Variants in KIAA1217 observed in about 807,000 individuals in gnomAD.
The protein encoded by KIAA1217 is KIAA1217.
In KIAA1217, 88 loss-of-function variants were observed where a neutral mutation model predicts 163.9. That is an observed-to-expected ratio of 0.54 (90% CI 0.45 to 0.64). KIAA1217 has a LOEUF of 0.64. Among genes scored for constraint, KIAA1217 ranks in the 30% least tolerant of loss-of-function variants. The pLI, the probability that KIAA1217 is intolerant of heterozygous loss-of-function variation, is 0.00. For synonymous variants in KIAA1217, 903 were observed against 923.1 expected (o/e 0.98, Z 0.39); for missense variants, 2,372 against 2,475.0 (o/e 0.96, Z 0.88).
At position 24,021,639 on chromosome 10, in the gene KIAA1217, A is replaced by G. The variant is rs542835118; in HGVS notation, c.-171+14265A>G. ...GGCAAAAGATACAAATAGCCAACAC[A>G]GTATGGAAGGGGAAGAATAAAGCTG... is the stretch of plus-strand genomic sequence containing the variant. On this transcript the variant is annotated intron_variant, in intron 2 of 18. Coordinates refer to the KIAA1217 transcript ENST00000376462. 2.0e-5 allele frequency among the ~76,000 whole-genome samples: 3 copies of G among 152,034 alleles called. No individual in the cohort carries two copies. In the South Asian group the frequency reaches 6.2e-4, roughly 31 times the overall value.
chr10:23,991,513 C>T (rs1157000365), intron 1 of KIAA1217, among the ~76,000 whole-genome samples: 1 of 152,118 alleles, frequency 6.6e-6, no homozygotes, highest in African/African-American at 2.4e-5. Flanking sequence ...GTAATATATT[C>T]AGTGCTGTGG....
In KIAA1217 at chr10:24,172,328, T is replaced by C. The variant is rs11013931; in HGVS notation, c.-170-47298T>C. ...GACCACTATGCCAAGAGGATATCTT[T>C]CATGTCCAAATTCATAGAGACAAGA... On this transcript the variant is annotated intron_variant, in intron 2 of 18. Coordinates refer to the KIAA1217 transcript ENST00000376462. Among the ~76,000 whole-genome samples the C allele has an allele frequency of 3.0e-3, 461 of 152,298 alleles. 1 individual carries two copies. The highest frequency in any genetic ancestry group is 0.01 in the African/African-American group (436 of 41,570).
chr10:24,348,505 A>G (rs1039293901), intron 2 of KIAA1217, among the ~76,000 whole-genome samples: 2 of 152,238 alleles, frequency 1.3e-5, no homozygotes, highest in Non-Finnish European at 2.9e-5. Flanking sequence ...CCTAATATGT[A>G]ATCCATTAGG....
intron 1 of KIAA1217, among the ~76,000 whole-genome samples, chr10:23,736,816 G>A (rs892645370): frequency 5.9e-5 from 9 of 152,114 alleles, no homozygotes; most frequent in African/African-American, 1.9e-4. Flanking sequence ...ATGGGCCACC[G>A]CACCCGGCCT....
At chr10:24,511,602 G>A (rs563564900) in intron 9 of KIAA1217, among the ~76,000 whole-genome samples, 2 of 152,058 alleles carry the variant, frequency 1.3e-5, no homozygotes, top group South Asian at 2.1e-4. Context: ...AACTGAGATC[G>A]TGCCATTGCA....
chr10:23,920,318 G>T (rs1842806747), intron 1 of KIAA1217, among the ~76,000 whole-genome samples: 1 of 152,146 alleles, frequency 6.6e-6, no homozygotes, highest in Admixed American at 6.6e-5. Flanking sequence ...TTTTGCTTTA[G>T]TCTCTGGTCA....
chr10:24,069,501 G>C (rs540790572), intron 2 of KIAA1217, among the ~76,000 whole-genome samples: 7 of 152,312 alleles, frequency 4.6e-5, no homozygotes, highest in Non-Finnish European at 8.8e-5. Context: ...ACCCAGAAAA[G>C]TTGAAATATT....
chr10:24,361,400 C>A (rs1317542517), intron 2 of KIAA1217, among the ~76,000 whole-genome samples: 1 of 152,124 alleles, frequency 6.6e-6, no homozygotes, highest in African/African-American at 2.4e-5. Flanking sequence ...GTTGCGCAGG[C>A]TGGCCTTGAG....
chr10:24,159,534 C>T (rs1294087992), intron 2 of KIAA1217, among the ~76,000 whole-genome samples: 1 of 152,018 alleles, frequency 6.6e-6, no homozygotes, highest in African/African-American at 2.4e-5. Flanking sequence ...AATCCCAGCA[C>T]TTTGGGAGGC....
chr10:24,064,230 G>A (rs183880538), intron 2 of KIAA1217, among the ~76,000 whole-genome samples: 5 of 152,286 alleles, frequency 3.3e-5, no homozygotes, highest in African/African-American at 1.2e-4. Context: ...AGTTTTCAAA[G>A]GGAGTGCTTC....
chr10:24,304,526 G>A (rs1332082685), intron 2 of KIAA1217, among the ~76,000 whole-genome samples: 1 of 151,830 alleles, frequency 6.6e-6, no homozygotes, highest in African/African-American at 2.4e-5. Context: ...TTTTTTTATA[G>A]GGACGGGGTC....
At chr10:23,788,996 G>A (rs1835615822) in intron 1 of KIAA1217, among the ~76,000 whole-genome samples, 1 of 152,102 alleles carries the variant, frequency 6.6e-6, no homozygotes, top group African/African-American at 2.4e-5. Context: ...AGTGTGAAAG[G>A]GTCAATGAAC....
chr10:23,817,816 G>A (rs1238977237), intron 1 of KIAA1217, among the ~76,000 whole-genome samples: 1 of 151,212 alleles, frequency 6.6e-6, no homozygotes, highest in Admixed American at 6.6e-5. Context: ...AGGGCCAGAT[G>A]TGGTGGCTCA....
intron 2 of KIAA1217, among the ~76,000 whole-genome samples, chr10:24,142,668 A>G (rs1822276163): frequency 6.6e-6 from 1 of 152,264 alleles, no homozygotes; most frequent in South Asian, 2.1e-4. Context: ...CTATTTTTAG[A>G]AAGACAGATG....
intron 1 of KIAA1217, among the ~76,000 whole-genome samples, chr10:23,942,087 A>G (rs1424116098): frequency 1.3e-5 from 2 of 152,202 alleles, no homozygotes; most frequent in African/African-American, 4.8e-5. Flanking sequence ...ATGCAACTCA[A>G]TACATATTAC....
At chr10:24,512,276 A>G (rs993698969) in intron 9 of KIAA1217, among the ~76,000 whole-genome samples, 1 of 152,224 alleles carries the variant, frequency 6.6e-6, no homozygotes, top group African/African-American at 2.4e-5. Context: ...AAACCAGTCC[A>G]TGAAACCGGA....
chr10:24,036,178 A>C (rs1848390450), intron 2 of KIAA1217, among the ~76,000 whole-genome samples: 1 of 152,206 alleles, frequency 6.6e-6, no homozygotes, highest in Admixed American at 6.5e-5. Context: ...CAAAAGCAGA[A>C]TCCGGGAGCT....
intron 1 of KIAA1217, among the ~76,000 whole-genome samples, chr10:23,718,150 C>A (rs1337286003): frequency 6.6e-6 from 1 of 152,058 alleles, no homozygotes; most frequent in Non-Finnish European, 1.5e-5. Context: ...AACCAATGGC[C>A]AAAACTGCAG....
intron 9 of KIAA1217, among the ~76,000 whole-genome samples, chr10:24,509,660 A>T (rs1449761767): frequency 6.6e-6 from 1 of 152,284 alleles, no homozygotes; most frequent in East Asian, 1.9e-4. Context: ...GCTCCCCCAA[A>T]CTTAACTACT....
Sources: gnomAD v4.1 joint callset for allele counts (sites outside exome capture counted in the v4.1 genomes callset) on GRCh38, gnomAD v4.1.1 for gene constraint, MANE v1.5 for transcripts, NCBI Gene and HGNC (gene_info 2026-07-23, HGNC 2026-07-21) for gene names.